Variants in LINC00305 observed in about 807,000 individuals in gnomAD.
LINC00305 encodes long intergenic non-protein coding RNA 305.
At chr18:64,127,736 C>G (rs1207584707) in intron 1 of LINC00305, among the ~76,000 whole-genome samples, 1 of 152,094 alleles carries the variant, frequency 6.6e-6, no homozygotes, top group Non-Finnish European at 1.5e-5. Context: ...GTTCGAACTT[C>G]TACCTGCTAT....
chr18:64,107,363 C>T (rs1412966897), intron 1 of LINC00305, among the ~76,000 whole-genome samples: 2 of 152,102 alleles, frequency 1.3e-5, no homozygotes, highest in African/African-American at 2.4e-5. Flanking sequence ...AGGACTGTGA[C>T]CTATGATATG....
At chr18:64,128,238 C>A (rs954433022) in intron 1 of LINC00305, among the ~76,000 whole-genome samples, 2 of 152,028 alleles carry the variant, frequency 1.3e-5, no homozygotes, top group Non-Finnish European at 2.9e-5. Flanking sequence ...TTGCAAGATT[C>A]CTGAGCTACT....
intron 3 of LINC00305, among the ~76,000 whole-genome samples, chr18:64,089,961 G>GA (rs1165300149): frequency 6.6e-6 from 1 of 152,130 alleles, no homozygotes; most frequent in Non-Finnish European, 1.5e-5. Context: ...TTTGGGTGGG[G>GA]ACACAGCCAA....
At chr18:64,121,797 C>T (rs899049638) in intron 1 of LINC00305, among the ~76,000 whole-genome samples, 27 of 152,086 alleles carry the variant, frequency 1.8e-4, no homozygotes, top group African/African-American at 6.0e-4. Context: ...TACTAATTTA[C>T]GTTCCCAGGA....
At chr18:64,137,426 T>G (rs1017072310) in intron 1 of LINC00305, among the ~76,000 whole-genome samples, 8 of 152,236 alleles carry the variant, frequency 5.3e-5, no homozygotes, top group Non-Finnish European at 1.2e-4. Flanking sequence ...GGCACTTCAG[T>G]TATGAGCTAT....
At chr18:64,148,923 A>C (rs1282680669) in exon 1 of LINC00305, 1 of 152,208 alleles carries the variant, frequency 6.6e-6, no homozygotes, top group African/African-American at 2.4e-5. Flanking sequence ...GGCCAATCTG[A>C]GAAGTAGCAC....
chr18:64,131,102 A>G (rs555813914), intron 1 of LINC00305, among the ~76,000 whole-genome samples: 138 of 152,292 alleles, frequency 9.1e-4, no homozygotes, highest in African/African-American at 3.2e-3. Flanking sequence ...GTGTTGTGCT[A>G]TTATGTAGAA....
At chr18:64,119,807 G>C (rs2051353746) in intron 1 of LINC00305, among the ~76,000 whole-genome samples, 1 of 152,014 alleles carries the variant, frequency 6.6e-6, no homozygotes, top group Admixed American at 6.6e-5. Flanking sequence ...CTACCTCAAA[G>C]ACCGATCTGC....
chr18:64,100,648 C>CT (rs1368267044), intron 1 of LINC00305, among the ~76,000 whole-genome samples: 1 of 152,198 alleles, frequency 6.6e-6, no homozygotes, highest in African/African-American at 2.4e-5. Context: ...TAAATGTTCT[C>CT]TTTTTTTCTC....
intron 3 of LINC00305, among the ~76,000 whole-genome samples, chr18:64,083,168 AT>A (rs2051191169): frequency 6.6e-6 from 1 of 152,078 alleles, no homozygotes; most frequent in African/African-American, 2.4e-5. Context: ...TATTTTAAAA[AT>A]GACCTTTAGA....
In LINC00305 at chr18:64,128,674, G is replaced by A. The variant is rs139041794; in HGVS notation, n.314+20101C>T. On this transcript the variant is annotated intron_variant and non_coding_transcript_variant, in intron 1 of 3. Coordinates refer to ENST00000666468, the Ensembl canonical transcript of LINC00305. Reference sequence around the variant, plus strand: ...ACTCTAGACTTACATACACTGCTGCGTGTATGGGCATGGCCATACCAATTG... The same window carrying A: ...ACTCTAGACTTACATACACTGCTGCATGTATGGGCATGGCCATACCAATTG... 2.4e-4 allele frequency among the ~76,000 whole-genome samples: 36 copies of A among 152,120 alleles called. No homozygotes were observed. In the East Asian group the frequency reaches 6.0e-3, roughly 25 times the overall value.
At chr18:64,136,458 G>A (rs1195639730) in intron 1 of LINC00305, among the ~76,000 whole-genome samples, 1 of 152,140 alleles carries the variant, frequency 6.6e-6, no homozygotes, top group Admixed American at 6.5e-5. Flanking sequence ...AGAGTGGAGA[G>A]AAGGGAGAAG....
At chr18:64,140,855 A>T (rs1221815987) in intron 1 of LINC00305, among the ~76,000 whole-genome samples, 2 of 151,980 alleles carry the variant, frequency 1.3e-5, no homozygotes, top group African/African-American at 4.8e-5. Context: ...AGGAGAGTTC[A>T]TGGAGAGAGA....
intron 3 of LINC00305, chr18:64,097,802 A>C: frequency 2.2e-6 from 1 of 448,076 alleles, no homozygotes; most frequent in South Asian, 1.6e-5. Context: ...ATAACTTAAA[A>C]AACTTTTTGT....
chr18:64,081,370 A>C (rs2051184204), intron 3 of LINC00305, among the ~76,000 whole-genome samples: 1 of 152,230 alleles, frequency 6.6e-6, no homozygotes, highest in Non-Finnish European at 1.5e-5. Flanking sequence ...ATTAAACTAT[A>C]TAAGTACCAG....
chr18:64,094,274 A>G (rs2051236376), intron 3 of LINC00305, among the ~76,000 whole-genome samples: 1 of 152,254 alleles, frequency 6.6e-6, no homozygotes, highest in Non-Finnish European at 1.5e-5. Flanking sequence ...GAAGGAAAAC[A>G]CTGAAGACTG....
At chr18:64,120,763 C>T (rs1478638658) in intron 1 of LINC00305, among the ~76,000 whole-genome samples, 3 of 152,194 alleles carry the variant, frequency 2.0e-5, no homozygotes, top group Non-Finnish European at 4.4e-5. Flanking sequence ...CTCAAAATAT[C>T]CATCTTCTTA....
intron 1 of LINC00305, among the ~76,000 whole-genome samples, chr18:64,104,871 G>A (rs577676356): frequency 3.0e-4 from 46 of 151,840 alleles, no homozygotes; most frequent in African/African-American, 1.0e-3. Context: ...CCTGGGACCC[G>A]GAGGCCTCTC....
At chr18:64,119,899 T>C (rs2051354227) in intron 1 of LINC00305, among the ~76,000 whole-genome samples, 1 of 152,148 alleles carries the variant, frequency 6.6e-6, no homozygotes, top group Non-Finnish European at 1.5e-5. Context: ...GGTATTCTCA[T>C]GCAGTCTGTT....
Sources: allele counts gnomAD v4.1 joint callset (sites outside exome capture counted in the v4.1 genomes callset), GRCh38; gene constraint gnomAD v4.1.1; transcripts MANE v1.5; gene names NCBI Gene and HGNC (gene_info 2026-07-23, HGNC 2026-07-21).